The following RIN3 variants were observed in gnomAD, a reference collection of about 807,000 sequenced individuals.
RIN3 encodes the protein RAB5 interacting protein 3.
RIN3 carries 54 observed loss-of-function variants against 76.3 expected under a neutral mutation model. That is an observed-to-expected ratio of 0.71 (90% CI 0.57 to 0.89). The LOEUF is 0.89. Among genes scored for constraint, RIN3 ranks in the 40% least tolerant of loss-of-function variants. The probability of loss-of-function intolerance (pLI) is 0.00; values close to 1 mark genes in which losing one functional copy is unlikely to be tolerated. For synonymous variants in RIN3, 576 were observed against 564.0 expected (o/e 1.02, Z -0.30); for missense variants, 1,256 against 1,322.1 (o/e 0.95, Z 0.78).
intron 9 of RIN3, 58 bp from the exon 10 acceptor site, chr14:92,687,868 G>A: frequency 7.0e-7 from 1 of 1,427,096 alleles, no homozygotes; most frequent in African/African-American, 1.5e-5. Flanking sequence ...TGGGCCGGGA[G>A]AGGGCGCCTG....
At chr14:92,542,745 A>C (rs76908907) in intron 1 of RIN3, among the ~76,000 whole-genome samples, 2,245 of 152,348 alleles carry the variant, frequency 0.015, 48 homozygotes, top group African/African-American at 0.051. Context: ...AAAGAAGTGA[A>C]ACATTGATAT....
At chr14:92,578,644 A>T (rs1323190912) in intron 3 of RIN3, among the ~76,000 whole-genome samples, 4 of 152,122 alleles carry the variant, frequency 2.6e-5, no homozygotes, top group Non-Finnish European at 4.4e-5. Context: ...TAGGAGGGGT[A>T]TGGAGGGGGA....
chr14:92,594,521 T>G (rs1314041405), intron 3 of RIN3, among the ~76,000 whole-genome samples: 1 of 151,974 alleles, frequency 6.6e-6, no homozygotes, highest in African/African-American at 2.4e-5. Flanking sequence ...TAAAGATAGC[T>G]GGAAAATCCA....
rs1159107241 is a variant in RIN3 at position 92,584,153 on chromosome 14, AG to A, written c.367+6681del. 2.6e-5 allele frequency among the ~76,000 whole-genome samples: 4 copies of A among 152,166 alleles called. No homozygotes were observed. The South Asian group carries it at 6.2e-4, about 24-fold the overall frequency. ...GAGCATCCTCAGATTTCGGTTTCTG[AG>A]GGGGTGGGGGGGTCTTGAAACCAAC... On this transcript the variant is annotated intron_variant, in intron 3 of 9. Transcript: ENST00000216487.
intron 4 of RIN3, 91 bp from the exon 5 acceptor site, chr14:92,641,147 C>T (rs1425976045): frequency 3.0e-6 from 3 of 985,248 alleles, no homozygotes; most frequent in Non-Finnish European, 4.9e-6. Flanking sequence ...ACCCTGGCAG[C>T]CAGCAGAGAT....
chr14:92,654,445 C>G (rs1189144874), intron 6 of RIN3, among the ~76,000 whole-genome samples: 1 of 152,262 alleles, frequency 6.6e-6, no homozygotes, highest in African/African-American at 2.4e-5. Context: ...CAGCCGTCCC[C>G]TGGCGTCCCT....
intron 1 of RIN3, among the ~76,000 whole-genome samples, chr14:92,525,888 G>A (rs1896715894): frequency 6.6e-6 from 1 of 152,174 alleles, no homozygotes; most frequent in African/African-American, 2.4e-5. Context: ...GTCCTATGGA[G>A]TGCCGGGGGT....
chr14:92,527,200 G>C (rs945875097), intron 1 of RIN3, among the ~76,000 whole-genome samples: 1 of 151,832 alleles, frequency 6.6e-6, no homozygotes, highest in Non-Finnish European at 1.5e-5. Flanking sequence ...ACAGGCGCCC[G>C]CCACCACGCC....
intron 7 of RIN3, among the ~76,000 whole-genome samples, chr14:92,670,950 C>T (rs1289214546): frequency 6.6e-6 from 1 of 152,146 alleles, no homozygotes; most frequent in Non-Finnish European, 1.5e-5. Context: ...AAGCATTTCC[C>T]AGCACATCAC....
intron 2 of RIN3, among the ~76,000 whole-genome samples, chr14:92,576,566 T>G (rs1301868745): frequency 6.6e-6 from 1 of 152,222 alleles, no homozygotes; most frequent in Non-Finnish European, 1.5e-5. Flanking sequence ...AATCCAGTTC[T>G]TCCCTTATAG....
At chr14:92,676,853 C>T (rs1888483461) in intron 8 of RIN3, among the ~76,000 whole-genome samples, 1 of 152,136 alleles carries the variant, frequency 6.6e-6, no homozygotes, top group Non-Finnish European at 1.5e-5. Flanking sequence ...GTTGGAATCC[C>T]AGAAGGCATA....
At position 92,513,996 on chromosome 14, in the gene RIN3, C is replaced by T; in HGVS notation, c.44+20C>T. ...CACGGGGTAAGTCCGGGCGGCCGCC[C>T]CCTCCTCCCTCGCGATCCCCACGGC... On this transcript the variant is annotated intron_variant, in intron 1 of 9. Coordinates refer to ENST00000216487, the MANE Select transcript of RIN3 (RefSeq NM_024832.5). The T allele has an allele frequency of 8.1e-7, 1 of 1,232,224 alleles. No homozygotes were observed. Among genetic ancestry groups the T allele is most frequent in the Non-Finnish European group, 1.0e-6 (1 of 986,368 alleles). 76.3% of individuals were successfully genotyped at this position (1,232,224 alleles called of 1,614,324 possible). A position where few individuals can be genotyped will look rare whatever the true frequency, so the allele number is the denominator to read the frequency against.
chr14:92,655,092 G>A (rs187682390), intron 6 of RIN3, among the ~76,000 whole-genome samples: 1 of 152,300 alleles, frequency 6.6e-6, no homozygotes, highest in East Asian at 1.9e-4. Flanking sequence ...TTGAACCAGG[G>A]AGGCAGAGGT....
chr14:92,665,409 C>T (rs543961240), intron 7 of RIN3, among the ~76,000 whole-genome samples: 31 of 128,194 alleles, frequency 2.4e-4, no homozygotes, highest in Non-Finnish European at 2.2e-4. Flanking sequence ...GACAGAGTCT[C>T]GCTCTATCGC....
At chr14:92,676,206 T>A (rs1213296025) in intron 7 of RIN3, among the ~76,000 whole-genome samples, 1 of 151,702 alleles carries the variant, frequency 6.6e-6, no homozygotes, top group African/African-American at 2.4e-5. Context: ...GAGGGAGGAC[T>A]AGGAAAGGGG....
At chr14:92,524,917 CCTCTGGAAGGGGCTGAG>C (rs1896689345) in intron 1 of RIN3, among the ~76,000 whole-genome samples, 1 of 152,238 alleles carries the variant, frequency 6.6e-6, no homozygotes, top group African/African-American at 2.4e-5. Context: ...CCCTCTCTAG[CCTCTGGAAGGGGCTGAG>C]CTCTTTCCTG....
chr14:92,580,420 T>C (rs988871894), intron 3 of RIN3, among the ~76,000 whole-genome samples: 4 of 152,238 alleles, frequency 2.6e-5, no homozygotes, highest in Non-Finnish European at 5.9e-5. Context: ...CAGAGAGTTA[T>C]GGAGTGCCCA....
At chr14:92,590,443 A>T (rs1259665260) in intron 3 of RIN3, among the ~76,000 whole-genome samples, 1 of 152,106 alleles carries the variant, frequency 6.6e-6, no homozygotes, top group East Asian at 1.9e-4. Context: ...GCTGTTTAAA[A>T]GTGTATGGCA....
At chr14:92,636,444 C>T (rs1427130408) in intron 4 of RIN3, among the ~76,000 whole-genome samples, 2 of 152,138 alleles carry the variant, frequency 1.3e-5, no homozygotes, top group Non-Finnish European at 2.9e-5. Context: ...ATTAGCCAGG[C>T]GTGGTGGCAC....
Sources: allele counts gnomAD v4.1 joint callset (sites outside exome capture counted in the v4.1 genomes callset), GRCh38; gene constraint gnomAD v4.1.1; transcripts MANE v1.5; gene names NCBI Gene and HGNC (gene_info 2026-07-23, HGNC 2026-07-21).